Variants in MGST2 observed in about 807,000 individuals in gnomAD.
The protein encoded by MGST2 is microsomal glutathione S-transferase 2.
Under a neutral mutation model 16.6 loss-of-function variants are expected in MGST2, and 9 were observed. That is an observed-to-expected ratio of 0.54 (90% CI 0.33 to 0.95). MGST2 has a LOEUF of 0.95. MGST2 is among the 40% of genes least tolerant of loss of function. The pLI is 0.03. For missense variants in MGST2, 159 were observed against 175.1 expected (o/e 0.91, Z 0.52); for synonymous variants, 79 against 68.0 (o/e 1.16, Z -0.79).
At chr4:139,734,127 A>G (rs922789131) in intron 5 of MGST2, among the ~76,000 whole-genome samples, 1 of 152,234 alleles carries the variant, frequency 6.6e-6, no homozygotes, top group Non-Finnish European at 1.5e-5. Flanking sequence ...GTGAAAATGT[A>G]CTCAGTGACT....
chr4:139,730,970 G>A, intron 5 of MGST2: 1 of 381,138 alleles, frequency 2.6e-6, no homozygotes, highest in Non-Finnish European at 4.8e-6. Flanking sequence ...AACATCCTGT[G>A]TTCCTCCAAG....
intron 2 of MGST2, chr4:139,684,979 C>T (rs1731481330): frequency 6.6e-6 from 1 of 152,264 alleles, no homozygotes; most frequent in Admixed American, 6.5e-5. Context: ...TTTTCAACCA[C>T]TCTTAAGTTC....
At chr4:139,726,046 C>G (rs1728461609) in intron 5 of MGST2, among the ~76,000 whole-genome samples, 1 of 152,228 alleles carries the variant, frequency 6.6e-6, no homozygotes, top group African/African-American at 2.4e-5. Context: ...CCAGCCCCCA[C>G]ATCAAGAAAC....
Position 139,671,244 on chromosome 4 carries a change from C to T in MGST2, c.58+5167C>T, listed in dbSNP as rs111382262. 2.6e-3 allele frequency among the ~76,000 whole-genome samples: 403 copies of T among 152,198 alleles called. 4 individuals are homozygous for T. Among genetic ancestry groups the T allele is most frequent in the African/African-American group, 9.4e-3 (390 of 41,534 alleles). On this transcript the variant is annotated intron_variant, in intron 1 of 4. Coordinates refer to ENST00000265498, the MANE Select transcript of MGST2 (RefSeq NM_002413.5). ...TTTTCAGGTCTCTCTGGGGTTCCCT[C>T]GGCCAAGAGTGGGTCTGTTCAGTTG...
At position 139,710,553 on chromosome 4, in the gene MGST2, C is replaced by T. The variant is rs917369594; in HGVS notation, c.*48+6357C>T. Among the ~76,000 whole-genome samples the T allele has an allele frequency of 5.3e-5, 8 of 152,266 alleles. No individual in the cohort carries two copies. The East Asian group carries it at 1.5e-3, about 29-fold the overall frequency. On this transcript the variant is annotated intron_variant, in intron 5 of 5. Coordinates refer to the MGST2 transcript ENST00000616265. ...AGCGTCCCCCTGTGCCCTCCCTCCA[C>T]CCCGGAATCAGTTCATTTTCTCTCC...
At chr4:139,690,902 G>A (rs955278312) in intron 2 of MGST2, among the ~76,000 whole-genome samples, 28 of 152,274 alleles carry the variant, frequency 1.8e-4, no homozygotes, top group African/African-American at 5.1e-4. Flanking sequence ...AGGCTCCATG[G>A]TACTGGGATG....
the MGST2 span, among the ~76,000 whole-genome samples, chr4:139,750,777 A>C: frequency 6.6e-6 from 1 of 152,118 alleles, no homozygotes; most frequent in Non-Finnish European, 1.5e-5. Context: ...TTAGCGATAG[A>C]TTTTCATCCT....
intron 1 of MGST2, among the ~76,000 whole-genome samples, chr4:139,670,084 C>A (rs1730592182): frequency 6.6e-6 from 1 of 151,978 alleles, no homozygotes; most frequent in Non-Finnish European, 1.5e-5. Context: ...CTTAGGGGGT[C>A]TGGTTTCTAG....
chr4:139,725,123 G>C (rs1728414035), intron 5 of MGST2, among the ~76,000 whole-genome samples: 1 of 152,118 alleles, frequency 6.6e-6, no homozygotes. Flanking sequence ...ATTTATAAAG[G>C]AGTGCCAACA....
intron 5 of MGST2, chr4:139,719,674 G>A (rs367727388): frequency 6.2e-7 from 1 of 1,613,376 alleles, no homozygotes; most frequent in Non-Finnish European, 8.5e-7. Flanking sequence ...TGGCAGCTGG[G>A]TTGAGGGTCC....
Position 139,722,480 on chromosome 4 carries a change from C to T in MGST2, c.*49-17732C>T, listed in dbSNP as rs533139262. ...TATGTTTTCTTTTTCTTTTTTTGGT[C>T]TAAAGCAGATATTATTGTGAGACAC... is the stretch of plus-strand genomic sequence containing the variant. On this transcript the variant is annotated intron_variant, in intron 5 of 5. Transcript: ENST00000616265. Among the ~76,000 whole-genome samples, 3 of 152,024 alleles carry T rather than the reference C, an allele frequency of 2.0e-5. No individual in the cohort carries two copies. The South Asian group carries it at 6.2e-4, about 32-fold the overall frequency.
chr4:139,700,374 G>A (rs904276144), intron 3 of MGST2, among the ~76,000 whole-genome samples: 10 of 151,914 alleles, frequency 6.6e-5, no homozygotes, highest in African/African-American at 2.2e-4. Flanking sequence ...CTCGTGATCC[G>A]CCAGTCTCGG....
intron 3 of MGST2, chr4:139,698,061 C>G (rs1727026558): frequency 1.2e-6 from 1 of 838,248 alleles, no homozygotes; most frequent in African/African-American, 1.7e-5. Flanking sequence ...AAAAAATTAT[C>G]TAACGTTCAG....
In MGST2 at chr4:139,703,679, C is replaced by T; in HGVS notation, c.311+143C>T. 4.9e-6 allele frequency: 4 copies of T among 809,926 alleles called. No individual in the cohort carries two copies. In the South Asian group the frequency reaches 5.9e-5, roughly 12 times the overall value. 50.2% of individuals were successfully genotyped at this position (809,926 alleles called of 1,614,324 possible). A position where few individuals can be genotyped will look rare whatever the true frequency, so the allele number is the denominator to read the frequency against. The stretch of plus-strand genomic sequence containing the variant: ...CATACTGTCTGAGGTCAAGTCTTGC[C>T]AGTTCATACACAATTAGGCATGAGA... On this transcript the variant is annotated intron_variant, in intron 4 of 4. Transcript: ENST00000265498.
chr4:139,690,651 C>A (rs1332551732), intron 2 of MGST2, among the ~76,000 whole-genome samples: 1 of 152,100 alleles, frequency 6.6e-6, no homozygotes, highest in Non-Finnish European at 1.5e-5. Context: ...TTTTATGGGG[C>A]TGTGCAACTG....
chr4:139,710,439 C>T (rs1006750756), intron 5 of MGST2, among the ~76,000 whole-genome samples: 4 of 152,046 alleles, frequency 2.6e-5, no homozygotes, highest in East Asian at 1.9e-4. Context: ...CAGTGCCAAA[C>T]GAGTATAAGT....
chr4:139,709,071 ATTTTTTTTTTTTT>A (rs377191495), downstream of MGST2, among the ~76,000 whole-genome samples: 4 of 81,970 alleles, frequency 4.9e-5, no homozygotes, highest in Non-Finnish European at 9.0e-5. Flanking sequence ...AATGGAAAAA[ATTTTTTTTTTTTT>A]TTTTTTTTTT....
At chr4:139,737,684 A>T (rs1728999837) in intron 5 of MGST2, among the ~76,000 whole-genome samples, 1 of 152,256 alleles carries the variant, frequency 6.6e-6, no homozygotes, top group Non-Finnish European at 1.5e-5. Context: ...AAAATAAAAT[A>T]AAACCTTACA....
At chr4:139,719,439 C>G in intron 5 of MGST2, 1 of 1,614,020 alleles carries the variant, frequency 6.2e-7, no homozygotes, top group Non-Finnish European at 8.5e-7. Context: ...GAACCCCCAG[C>G]TCCGTCGCCA....
Sources: allele counts gnomAD v4.1 joint callset (sites outside exome capture counted in the v4.1 genomes callset), GRCh38; gene constraint gnomAD v4.1.1; transcripts MANE v1.5; gene names NCBI Gene and HGNC (gene_info 2026-07-23, HGNC 2026-07-21).